The following LYSMD3 variants were observed in gnomAD, a reference collection of about 807,000 sequenced individuals.
LYSMD3 encodes lysM and putative peptidoglycan-binding domain-containing protein 3.
In LYSMD3, 13 loss-of-function variants were observed where a neutral mutation model predicts 26.1. The ratio of observed to expected loss-of-function variants is 0.50; its 90% CI spans 0.32 to 0.79. The LOEUF is 0.79. Ranked by LOEUF, LYSMD3 falls within the 30% of genes least tolerant of loss-of-function variation. LYSMD3 has a pLI of 0.03. For synonymous variants in LYSMD3, 109 were observed against 119.4 expected (o/e 0.91, Z 0.57); for missense variants, 331 against 362.5 (o/e 0.91, Z 0.71).
At chr5:90,524,173 A>T (rs1014953701) in intron 2 of LYSMD3, among the ~76,000 whole-genome samples, 4 of 152,178 alleles carry the variant, frequency 2.6e-5, no homozygotes, top group African/African-American at 9.7e-5. Context: ...TACTACAGAC[A>T]TTATACAACC....
At chr5:90,522,241 T>C (rs1444500301) in intron 2 of LYSMD3, among the ~76,000 whole-genome samples, 1 of 152,216 alleles carries the variant, frequency 6.6e-6, no homozygotes, top group Admixed American at 6.5e-5. Context: ...TGCTCTGGCT[T>C]TGCCTTCTGC....
chr5:90,524,653 C>T (rs895069123), intron 2 of LYSMD3, among the ~76,000 whole-genome samples: 6 of 152,118 alleles, frequency 3.9e-5, no homozygotes, highest in Non-Finnish European at 7.4e-5. Context: ...AGTGCAGTGG[C>T]GCGATCTCGG....
At chr5:90,526,605 G>T (rs1753229197) in intron 1 of LYSMD3, among the ~76,000 whole-genome samples, 1 of 152,196 alleles carries the variant, frequency 6.6e-6, no homozygotes, top group Non-Finnish European at 1.5e-5. Context: ...GAGGGAAGTA[G>T]TAAGAAGCAC....
intron 1 of LYSMD3, chr5:90,527,017 AAGG>A (rs943305729): frequency 6.6e-5 from 10 of 152,342 alleles, no homozygotes; most frequent in Admixed American, 6.5e-4. Flanking sequence ...AAATATGGAT[AAGG>A]AGTGTCCAGA....
chr5:90,521,350 A>G (rs1166628454), intron 2 of LYSMD3, among the ~76,000 whole-genome samples: 2 of 152,058 alleles, frequency 1.3e-5, no homozygotes, highest in Non-Finnish European at 2.9e-5. Flanking sequence ...GAAAACCAGA[A>G]ACCTGAAAAG....
intron 2 of LYSMD3, among the ~76,000 whole-genome samples, chr5:90,521,998 C>T (rs1753099927): frequency 8.7e-6 from 1 of 115,572 alleles, no homozygotes; most frequent in Admixed American, 8.0e-5. Flanking sequence ...CTTATCTTAA[C>T]TAATTCTGTT....
In LYSMD3 at chr5:90,518,494, T is replaced by C. The variant is rs1324095187; in HGVS notation, c.*325A>G. On this transcript the variant is annotated 3_prime_UTR_variant, in exon 3 of 3. Coordinates refer to ENST00000315948, the MANE Select transcript of LYSMD3 (RefSeq NM_198273.2). ...TTCTGCATCATAAATTTAACATTAA[T>C]AAACTTTTTAAAAATTACTTAAAAA... 1 of 207,318 alleles carries C rather than the reference T, an allele frequency of 4.8e-6. No homozygotes were observed. The highest frequency in any genetic ancestry group is 9.6e-6 in the Non-Finnish European group (1 of 104,608). The allele number at this position is 207,318 out of a possible 1,614,324, so 12.8% of individuals were successfully genotyped here. A position where few individuals can be genotyped will look rare whatever the true frequency, so the allele number is the denominator to read the frequency against.
rs372545487 is a variant in LYSMD3 at position 90,519,093 on chromosome 5, A to T, written c.647T>A (p.Ile216Lys). ...KDPYYGADWG[I>K]GWWTAVVIML... ...TATCACTACAGCTGTCCACCACCCT[A>T]TTCCCCAGTCTGCTCCATAATAGGG... The change falls in exon 3 of 3, where the codon ATA becomes AAA. Residue 216 changes from isoleucine to lysine, a missense_variant. Physicochemically the swap from Ile to Lys is moderately radical, Grantham distance 102 (BLOSUM62 -3). Around this residue, in one of 3 missense-constraint regions of LYSMD3, gnomAD observed 262 missense variants for 267.3 expected, o/e 0.98. Coordinates refer to ENST00000315948, the MANE Select transcript of LYSMD3 (RefSeq NM_198273.2). The T allele has an allele frequency of 6.2e-7, 1 of 1,613,974 alleles. No homozygotes were observed. The highest frequency in any genetic ancestry group is 8.5e-7 in the Non-Finnish European group (1 of 1,179,988).
At chr5:90,529,028 A>G (rs934216447) in intron 1 of LYSMD3, among the ~76,000 whole-genome samples, 4 of 151,994 alleles carry the variant, frequency 2.6e-5, no homozygotes, top group Non-Finnish European at 5.9e-5. Context: ...CTCCCTCTGT[A>G]TTCCACACGT....
Position 90,518,581 on chromosome 5 carries a change from AAC to A in LYSMD3, c.*236_*237del, listed in dbSNP as rs1489738591. The A allele has an allele frequency of 7.3e-6, 3 of 411,736 alleles. No individual in the cohort carries two copies. The highest frequency in any genetic ancestry group is 3.6e-5 in the East Asian group (1 of 28,120). The allele number at this position is 411,736 out of a possible 1,614,324, so 25.5% of individuals were successfully genotyped here. On this transcript the variant is annotated 3_prime_UTR_variant, in exon 3 of 3. Coordinates refer to ENST00000315948, the MANE Select transcript of LYSMD3 (RefSeq NM_198273.2). The stretch of plus-strand genomic sequence containing the variant: ...CATCTTCCAAGTTAAGTACTTCCTA[AAC>A]ACACATTTAAATTAATTTCTGCTTG...
chr5:90,518,503 T>A lies in LYSMD3; in HGVS notation c.*316A>T, dbSNP rs973629060. ...ATAAATTTAACATTAATAAACTTTT[T>A]AAAAATTACTTAAAAAAATAAAATT... On this transcript the variant is annotated 3_prime_UTR_variant, in exon 3 of 3. Transcript: ENST00000315948. 1.9e-4 allele frequency: 42 copies of A among 218,346 alleles called. No individual in the cohort carries two copies. The highest frequency in any genetic ancestry group is 5.4e-5 in the Admixed American group (1 of 18,362). 13.5% of individuals were successfully genotyped at this position (218,346 alleles called of 1,614,324 possible). A position where few individuals can be genotyped will look rare whatever the true frequency, so the allele number is the denominator to read the frequency against.
intron 2 of LYSMD3, among the ~76,000 whole-genome samples, chr5:90,520,678 G>C (rs1183001978): frequency 1.3e-5 from 2 of 152,110 alleles, no homozygotes; most frequent in East Asian, 3.9e-4. Context: ...CCAGCACTTT[G>C]GGAGGCCGAG....
At chr5:90,524,896 T>A in intron 2 of LYSMD3, 139 bp downstream of exon 2, 2 of 843,594 alleles carry the variant, frequency 2.4e-6, no homozygotes, top group Non-Finnish European at 1.8e-6. Flanking sequence ...CCAGCCCATG[T>A]GACACAGATT....
chr5:90,522,783 C>G lies in LYSMD3; in HGVS notation c.255+2252G>C, dbSNP rs534744191. On this transcript the variant is annotated intron_variant, in intron 2 of 2. Transcript: ENST00000315948. ...AGCATTTCATCCCAAATAGTCTGTG[C>G]CACTCACTTCGGAAATAACTATGAA... 8.5e-5 allele frequency among the ~76,000 whole-genome samples: 13 copies of G among 152,186 alleles called. 1 individual carries two copies. Among genetic ancestry groups the G allele is most frequent in the African/African-American group, 1.7e-4 (7 of 41,446 alleles).
intron 2 of LYSMD3, among the ~76,000 whole-genome samples, chr5:90,523,086 C>G (rs1201755075): frequency 6.6e-6 from 1 of 152,056 alleles, no homozygotes; most frequent in African/African-American, 2.4e-5. Flanking sequence ...CCTTCTATGA[C>G]ATATTCTGTA....
chr5:90,526,493 A>G (rs1812737), intron 1 of LYSMD3, among the ~76,000 whole-genome samples: 52,251 of 152,128 alleles, frequency 0.34, 9,568 homozygotes, highest in Non-Finnish European at 0.42. Flanking sequence ...AATTAGGAAC[A>G]CAAGAACCTA....
rs373958667 is a variant in LYSMD3 at position 90,521,280 on chromosome 5, C to A, written c.256-1796G>T. On this transcript the variant is annotated intron_variant, in intron 2 of 2. Transcript: ENST00000315948. Reference sequence around the variant, plus strand: ...AATGATTTAAATGTTGTAGGACACTCAGAACAGTGATTTATGGTATGTCAT... The same window carrying A: ...AATGATTTAAATGTTGTAGGACACTAAGAACAGTGATTTATGGTATGTCAT... 3.9e-5 allele frequency among the ~76,000 whole-genome samples: 6 copies of A among 152,122 alleles called. No individual in the cohort carries two copies. The East Asian group carries it at 1.2e-3, about 29-fold the overall frequency.
chr5:90,520,283 C>A (rs911339815), intron 2 of LYSMD3: 2 of 411,102 alleles, frequency 4.9e-6, no homozygotes, highest in Non-Finnish European at 9.8e-6. Flanking sequence ...TGGCAGATTA[C>A]CAATTGGTAT....
chr5:90,526,283 T>C (rs930869272), intron 1 of LYSMD3, among the ~76,000 whole-genome samples: 1 of 152,154 alleles, frequency 6.6e-6, no homozygotes, highest in African/African-American at 2.4e-5. Context: ...CAACTTAGAG[T>C]CCTCATCAAA....
Sources: allele counts gnomAD v4.1 joint callset (sites outside exome capture counted in the v4.1 genomes callset), GRCh38; gene constraint gnomAD v4.1.1; regional missense constraint gnomAD v4.1.1; transcripts MANE v1.5; gene names NCBI Gene and HGNC (gene_info 2026-07-23, HGNC 2026-07-21).